PKD2: variants seen among roughly 807,000 people sequenced by gnomAD.
PKD2 encodes polycystin 2, transient receptor potential cation channel.
A neutral mutation model predicts 105.9 loss-of-function variants in PKD2; 48 were observed. The observed-to-expected ratio is 0.45, with a 90% CI of 0.36 to 0.58. The LOEUF (loss-of-function observed/expected upper bound fraction) is 0.58. Among genes scored for constraint, PKD2 ranks in the 20% least tolerant of loss-of-function variants. PKD2 has a pLI of 0.00. For missense variants in PKD2, 1,078 were observed against 1,255.3 expected, an observed-to-expected ratio of 0.86 and a Z score of 2.13; for synonymous variants, 464 against 481.1, an observed-to-expected ratio of 0.96 and a Z score of 0.46.
intron 1 of PKD2, among the ~76,000 whole-genome samples, chr4:88,008,821 A>G (rs1179406765): frequency 6.6e-6 from 1 of 152,112 alleles, no homozygotes; most frequent in African/African-American, 2.4e-5. Context: ...TATAATGTCA[A>G]GTTGTGGGAG....
At chr4:88,067,499 T>G (rs1720839916) in intron 12 of PKD2, among the ~76,000 whole-genome samples, 1 of 152,152 alleles carries the variant, frequency 6.6e-6, no homozygotes, top group Non-Finnish European at 1.5e-5. Flanking sequence ...GCCTGGCTAA[T>G]TTTTTAAAAA....
chr4:88,034,668 C>CAAA lies in PKD2; in HGVS notation c.710-1534_710-1532dup, dbSNP rs61534136. Among the ~76,000 whole-genome samples the CAAA allele has an allele frequency of 4.9e-4, 35 of 71,858 alleles. No individual in the cohort carries two copies. The South Asian group carries it at 0.013, about 27-fold the overall frequency. 47.1% of individuals were successfully genotyped at this position (71,858 alleles called of 152,430 possible). ...GGGCAACAACAGTGAAACTCCGTCT[C>CAAA]AAAAAAAAAAAAAAAAAAAAGGCAG... On this transcript the variant is annotated intron_variant, in intron 2 of 14. Coordinates refer to ENST00000237596, the MANE Select transcript of PKD2 (RefSeq NM_000297.4).
intron 2 of PKD2, among the ~76,000 whole-genome samples, chr4:88,025,783 C>T (rs1726939452): frequency 6.6e-6 from 1 of 152,126 alleles, no homozygotes; most frequent in African/African-American, 2.4e-5. Context: ...GGTTTCCCCT[C>T]TGCTGTTCTC....
intron 7 of PKD2, among the ~76,000 whole-genome samples, chr4:88,053,874 G>A (rs901132435): frequency 6.6e-6 from 1 of 152,176 alleles, no homozygotes; most frequent in East Asian, 1.9e-4. Flanking sequence ...CACTAACCAT[G>A]TATAGGCATG....
chr4:88,030,982 T>TA (rs1560604310), intron 2 of PKD2, among the ~76,000 whole-genome samples: 4 of 152,220 alleles, frequency 2.6e-5, no homozygotes, highest in Non-Finnish European at 5.9e-5. Context: ...GTCCCCAACT[T>TA]ACGATGGTTC....
rs866550907 is a variant in PKD2, at chr4:88,058,001, C to T, written c.1917C>T (p.Ile639=). ...FQECIFTQFR[I]ILGDINFAEI... is the part of the protein sequence containing the mutation. ...TTTATAGCTTCACTCAATTCCGTAT[C>T]ATTTTGGGCGATATCAACTTTGCAG... Residue 639 remains isoleucine (I), a synonymous_variant, in exon 9 of 15, where the codon ATC becomes ATT. Transcript: ENST00000237596. 6.3e-7 allele frequency: 1 copy of T among 1,599,138 alleles called. No homozygotes were observed. The highest frequency in any genetic ancestry group is 8.6e-7 in the Non-Finnish European group (1 of 1,166,354).
rs891966145 is a variant in PKD2 at position 88,074,815 on chromosome 4, G to T, written c.2526G>T (p.Leu842=). 1 of 1,613,872 alleles carries T rather than the reference G, an allele frequency of 6.2e-7. No homozygotes were observed. Among genetic ancestry groups the T allele is most frequent in the African/African-American group, 1.3e-5 (1 of 74,932 alleles). Reference sequence around the variant, plus strand: ...CTGTACTGTGTTTTCCTTGCAGCCTGGTGAGACGAGTGGACCGGATGGAGC... The same window carrying T: ...CTGTACTGTGTTTTCCTTGCAGCCTTGTGAGACGAGTGGACCGGATGGAGC... ...SGVSYEEFQV[L]VRRVDRMEHS... The change falls in exon 14 of 15, where the codon CTG becomes CTT. Residue 842 remains leucine, a synonymous_variant. Transcript: ENST00000237596.
At chr4:88,023,604 A>G (rs1254070053) in intron 2 of PKD2, among the ~76,000 whole-genome samples, 1 of 152,244 alleles carries the variant, frequency 6.6e-6, no homozygotes, top group African/African-American at 2.4e-5. Context: ...TTAAAATCCC[A>G]GCTTCACTGC....
At chr4:88,049,194 T>G (rs892715714) in intron 6 of PKD2, among the ~76,000 whole-genome samples, 3 of 152,270 alleles carry the variant, frequency 2.0e-5, no homozygotes, top group Admixed American at 6.5e-5. Flanking sequence ...TTGTAAATTG[T>G]GTGCCTACTT....
At chr4:88,067,456 C>T (rs922764460) in intron 12 of PKD2, among the ~76,000 whole-genome samples, 2 of 152,054 alleles carry the variant, frequency 1.3e-5, no homozygotes, top group Middle Eastern at 3.2e-3. Context: ...CCAGGTAGCT[C>T]AGGTAGCTGG....
At chr4:88,046,348 A>G (rs774103315) in intron 5 of PKD2, among the ~76,000 whole-genome samples, 1 of 152,174 alleles carries the variant, frequency 6.6e-6, no homozygotes, top group Admixed American at 6.6e-5. Flanking sequence ...CTTTTACATT[A>G]AAAGTATATG....
At chr4:88,052,393 G>A (rs922865528) in intron 7 of PKD2, among the ~76,000 whole-genome samples, 1 of 151,846 alleles carries the variant, frequency 6.6e-6, no homozygotes, top group African/African-American at 2.4e-5. Flanking sequence ...CTTATCCTCC[G>A]AAGTCACTGG....
intron 2 of PKD2, among the ~76,000 whole-genome samples, chr4:88,032,185 A>AT (rs1158708198): frequency 6.6e-6 from 1 of 151,330 alleles, no homozygotes. Flanking sequence ...TAGACTGGAA[A>AT]TTTTTTCTTT....
chr4:88,044,969 C>T (rs1727713854), intron 5 of PKD2, among the ~76,000 whole-genome samples: 2 of 152,040 alleles, frequency 1.3e-5, no homozygotes, highest in Non-Finnish European at 2.9e-5. Context: ...AAATCTATTG[C>T]AGTATTATTG....
At chr4:88,066,363 CTTTT>C (rs36207866) in intron 12 of PKD2, among the ~76,000 whole-genome samples, 2 of 137,534 alleles carry the variant, frequency 1.5e-5, no homozygotes. Context: ...ACTTTTTTTT[CTTTT>C]TTTTTTTTTT....
At chr4:88,059,745 G>GTACATACATACATACA (rs35787437) in intron 9 of PKD2, among the ~76,000 whole-genome samples, 84 of 150,226 alleles carry the variant, frequency 5.6e-4, no homozygotes, top group African/African-American at 1.5e-3. Context: ...ACATACATAC[G>GTACATACATACATACA]TACATACATA....
chr4:88,014,053 G>C (rs541193380), intron 1 of PKD2, among the ~76,000 whole-genome samples: 58 of 152,240 alleles, frequency 3.8e-4, no homozygotes, highest in Non-Finnish European at 6.3e-4. Flanking sequence ...AAGAGGAGGA[G>C]GGGTGACGAG....
At chr4:88,061,336 G>T (rs535350172) in intron 9 of PKD2, among the ~76,000 whole-genome samples, 6 of 152,180 alleles carry the variant, frequency 3.9e-5, no homozygotes, top group Non-Finnish European at 8.8e-5. Context: ...ATATTTTGTT[G>T]TATTTTATTC....
At chr4:88,073,171 C>T (rs1050166676) in intron 13 of PKD2, among the ~76,000 whole-genome samples, 3 of 136,638 alleles carry the variant, frequency 2.2e-5, no homozygotes, top group Non-Finnish European at 4.6e-5. Context: ...GGTAACATAG[C>T]GAGACTTTGT....
Sources: gnomAD v4.1 joint callset for allele counts (sites outside exome capture counted in the v4.1 genomes callset) on GRCh38, gnomAD v4.1.1 for gene constraint, MANE v1.5 for transcripts, NCBI Gene and HGNC (gene_info 2026-07-23, HGNC 2026-07-21) for gene names.